The following RIMS2 variants were observed in gnomAD, a reference collection of about 807,000 sequenced individuals.
The protein encoded by RIMS2 is regulating synaptic membrane exocytosis protein 2.
Under a neutral mutation model 174.4 loss-of-function variants are expected in RIMS2, and 59 were observed. That is an observed-to-expected ratio of 0.34 (90% CI 0.27 to 0.42). The LOEUF is 0.42. Ranked by LOEUF, RIMS2 falls within the 10% of genes least tolerant of loss-of-function variation. RIMS2 has a pLI of 1.00. For missense variants in RIMS2, 1,620 were observed against 1,666.3 expected (o/e 0.97, Z 0.48); for synonymous variants, 606 against 572.5 (o/e 1.06, Z -0.84).
intron 1 of RIMS2, among the ~76,000 whole-genome samples, chr8:103,627,586 T>G (rs2095817341): frequency 6.6e-6 from 1 of 152,170 alleles, no homozygotes; most frequent in Non-Finnish European, 1.5e-5. Context: ...AAGTATTAAT[T>G]TGGGGAACTG....
rs2077869677 is a variant in RIMS2 at position 103,922,446 on chromosome 8, T to C, written c.2196+662T>C. ...TTTACAAATCTAAGTCTTTACTTTT[T>C]ATTCGTTTGTTCTGTTGTAATTCCC... On this transcript the variant is annotated intron_variant, in intron 10 of 23. Transcript: ENST00000504942. Among the ~76,000 whole-genome samples, 3 of 151,988 alleles carry C rather than the reference T, an allele frequency of 2.0e-5. No homozygotes were observed. In the South Asian group the frequency reaches 6.2e-4, roughly 31 times the overall value.
chr8:104,233,765 G>A (rs756337823), intron 19 of RIMS2, among the ~76,000 whole-genome samples: 1 of 152,176 alleles, frequency 6.6e-6, no homozygotes, highest in Admixed American at 6.5e-5. Context: ...TAGGCTTACA[G>A]TCTGTTTGCT....
chr8:103,887,737 T>TTATGG (rs2099213438), intron 4 of RIMS2, among the ~76,000 whole-genome samples: 1 of 151,486 alleles, frequency 6.6e-6, no homozygotes, highest in Non-Finnish European at 1.5e-5. Flanking sequence ...TGTACCAAAA[T>TTATGG]AATTAGTTAG....
downstream of RIMS2, chr8:104,255,083 T>C (rs1335974431): frequency 6.6e-6 from 1 of 152,192 alleles, no homozygotes; most frequent in Admixed American, 6.5e-5. Flanking sequence ...TCATGTTTAG[T>C]AATCGAACTG....
chr8:103,548,420 A>G (rs889501275), intron 1 of RIMS2, among the ~76,000 whole-genome samples: 8 of 152,202 alleles, frequency 5.3e-5, no homozygotes, highest in Admixed American at 4.6e-4. Context: ...AACAGAAACC[A>G]CATGATCATC....
intron 1 of RIMS2, among the ~76,000 whole-genome samples, chr8:103,554,602 C>A (rs1849582001): frequency 6.6e-6 from 1 of 152,094 alleles, no homozygotes; most frequent in Non-Finnish European, 1.5e-5. Flanking sequence ...TAAATTAGTT[C>A]CGCCATTATG....
intron 3 of RIMS2, among the ~76,000 whole-genome samples, chr8:103,852,831 G>A (rs2099006670): frequency 6.6e-6 from 1 of 151,930 alleles, no homozygotes; most frequent in African/African-American, 2.4e-5. Context: ...TTGATTCTCT[G>A]TCTTTGCTCT....
intron 1 of RIMS2, among the ~76,000 whole-genome samples, chr8:103,526,333 T>C (rs1437498121): frequency 6.6e-6 from 1 of 152,220 alleles, no homozygotes; most frequent in Admixed American, 6.5e-5. Context: ...AAAGCAAAAG[T>C]AAATTCTTTC....
At chr8:104,168,115 G>A (rs1282243461) in intron 19 of RIMS2, among the ~76,000 whole-genome samples, 1 of 151,944 alleles carries the variant, frequency 6.6e-6, no homozygotes, top group Admixed American at 6.6e-5. Flanking sequence ...CTCCAGATTT[G>A]TTCTTTTTTC....
chr8:103,543,722 G>C (rs1843594837), intron 1 of RIMS2, among the ~76,000 whole-genome samples: 1 of 152,180 alleles, frequency 6.6e-6, no homozygotes, highest in Non-Finnish European at 1.5e-5. Flanking sequence ...CCTTGACAGA[G>C]ATGCCAAGAA....
intron 1 of RIMS2, among the ~76,000 whole-genome samples, chr8:103,525,377 G>A (rs1833479370): frequency 6.6e-6 from 1 of 152,214 alleles, no homozygotes; most frequent in African/African-American, 2.4e-5. Context: ...GGAAAAGACA[G>A]AAATTAGGTT....
intron 1 of RIMS2, among the ~76,000 whole-genome samples, chr8:103,599,425 T>C (rs1246816075): frequency 6.8e-6 from 1 of 147,564 alleles, no homozygotes; most frequent in African/African-American, 2.5e-5. Flanking sequence ...TATAAATAAA[T>C]ATATATGTGT....
intron 3 of RIMS2, among the ~76,000 whole-genome samples, chr8:103,865,411 A>C (rs1339914735): frequency 6.6e-6 from 1 of 151,110 alleles, no homozygotes; most frequent in Non-Finnish European, 1.5e-5. Context: ...CAGCCTCCCA[A>C]GTAGCTGGGA....
rs73293815 is a variant in RIMS2, at chr8:103,830,556, G to A, written c.699-54742G>A. On this transcript the variant is annotated intron_variant, in intron 3 of 23. Coordinates refer to ENST00000504942, the Ensembl canonical transcript of RIMS2. Reference sequence around the variant, plus strand: ...GAGGACTATCTTGAACATTCCACATGTATTTGAAAGGAATGTGTATTCTGT... The same window carrying A: ...GAGGACTATCTTGAACATTCCACATATATTTGAAAGGAATGTGTATTCTGT... Among the ~76,000 whole-genome samples, 763 of 152,236 alleles carry A rather than the reference G, an allele frequency of 5.0e-3. 8 individuals carry two copies. The highest frequency in any genetic ancestry group is 0.017 in the African/African-American group (724 of 41,534).
intron 3 of RIMS2, among the ~76,000 whole-genome samples, chr8:103,875,253 T>A (rs935703950): frequency 8.6e-5 from 13 of 152,040 alleles, no homozygotes; most frequent in African/African-American, 2.9e-4. Context: ...TGATTTTTTT[T>A]ATCTCTCACT....
chr8:103,897,621 A>T (rs1457969520), intron 4 of RIMS2, among the ~76,000 whole-genome samples: 4 of 151,586 alleles, frequency 2.6e-5, no homozygotes, highest in Admixed American at 1.3e-4. Flanking sequence ...ACCCTAGCTT[A>T]TGAGGGGCAC....
At position 103,510,949 on chromosome 8, in the gene RIMS2, T is replaced by A. The variant is rs149383194; in HGVS notation, c.176+9887T>A. Among the ~76,000 whole-genome samples the A allele has an allele frequency of 6.1e-3, 934 of 152,318 alleles. 12 individuals carry two copies. Among genetic ancestry groups the A allele is most frequent in the African/African-American group, 0.021 (885 of 41,576 alleles). On this transcript the variant is annotated intron_variant, in intron 1 of 23. Coordinates refer to ENST00000504942, the Ensembl canonical transcript of RIMS2. Reference sequence around the variant, plus strand: ...AGATATAAATTTGGATATATATTTTTTTATAAAGTAGATACTGAACTATTC... The same window carrying A: ...AGATATAAATTTGGATATATATTTTATTATAAAGTAGATACTGAACTATTC...
chr8:103,613,673 C>T (rs1289608756), intron 1 of RIMS2, among the ~76,000 whole-genome samples: 1 of 152,182 alleles, frequency 6.6e-6, no homozygotes, highest in African/African-American at 2.4e-5. Context: ...CAGTGCGTCT[C>T]AGACCCCAAG....
rs754227465 is a variant in RIMS2 at position 103,766,454 on chromosome 8, A to T, written c.615A>T (p.Arg205=). 3.7e-6 allele frequency: 6 copies of T among 1,613,866 alleles called. No individual in the cohort carries two copies. The South Asian group carries it at 6.6e-5, about 18-fold the overall frequency. Residue 205 remains arginine (R), a synonymous_variant, in exon 3 of 24, where the codon CGA becomes CGT. Transcript: ENST00000504942. Reference sequence around the variant, plus strand: ...CTGTACCTGCAGTGGAGAAAAGTCGATCTCATGGGCTCACAAGACAGCATT... The same window carrying T: ...CTGTACCTGCAGTGGAGAAAAGTCGTTCTCATGGGCTCACAAGACAGCATT...
Sources: gnomAD v4.1 joint callset for allele counts (sites outside exome capture counted in the v4.1 genomes callset) on GRCh38, gnomAD v4.1.1 for gene constraint, MANE v1.5 for transcripts, NCBI Gene and HGNC (gene_info 2026-07-23, HGNC 2026-07-21) for gene names.